Variants in PTPRD observed in about 807,000 individuals in gnomAD.
PTPRD encodes receptor-type tyrosine-protein phosphatase delta.
In PTPRD, 34 loss-of-function variants were observed where a neutral mutation model predicts 214.5. The observed-to-expected ratio is 0.16, with a 90% CI of 0.12 to 0.21. The LOEUF (loss-of-function observed/expected upper bound fraction) is 0.21. PTPRD is among the 10% of genes least tolerant of loss of function. The pLI is 1.00. For missense variants in PTPRD, 2,545 were observed against 2,398.7 expected (o/e 1.06, Z -1.27); for synonymous variants, 1,128 against 845.7 (o/e 1.33, Z -5.79).
chr9:8,789,472 T>C (rs1473989100), intron 11 of PTPRD, among the ~76,000 whole-genome samples: 1 of 152,208 alleles, frequency 6.6e-6, no homozygotes, highest in Non-Finnish European at 1.5e-5. Context: ...AGCAGTAGAA[T>C]TTCAATCTAT....
At chr9:10,574,884 G>C (rs1234575322) in intron 2 of PTPRD, among the ~76,000 whole-genome samples, 1 of 148,842 alleles carries the variant, frequency 6.7e-6, no homozygotes, top group Non-Finnish European at 1.5e-5. Context: ...TAAAGAAATT[G>C]CCTTTTCCCA....
intron 12 of PTPRD, among the ~76,000 whole-genome samples, chr9:8,723,820 T>G (rs932740199): frequency 6.6e-6 from 1 of 152,214 alleles, no homozygotes; most frequent in Non-Finnish European, 1.5e-5. Context: ...CTTGGTTTAG[T>G]AGATTTGTTA....
intron 10 of PTPRD, among the ~76,000 whole-genome samples, chr9:9,033,681 C>T (rs185812236): frequency 6.6e-6 from 1 of 152,112 alleles, no homozygotes; most frequent in Non-Finnish European, 1.5e-5. Context: ...CTCCCCTCCC[C>T]TTCTCTTTCT....
chr9:10,204,066 A>G (rs2099451221), intron 3 of PTPRD, among the ~76,000 whole-genome samples: 1 of 152,168 alleles, frequency 6.6e-6, no homozygotes, highest in African/African-American at 2.4e-5. Flanking sequence ...CCAATCTACC[A>G]GCTTGTGCCA....
At chr9:8,500,312 A>G (rs1256354391) in intron 24 of PTPRD, among the ~76,000 whole-genome samples, 2 of 151,918 alleles carry the variant, frequency 1.3e-5, no homozygotes, top group Non-Finnish European at 2.9e-5. Flanking sequence ...ATTCCATACA[A>G]AAGATGCCAA....
chr9:9,057,012 T>C (rs1005241623), intron 10 of PTPRD, among the ~76,000 whole-genome samples: 8 of 152,190 alleles, frequency 5.3e-5, no homozygotes, highest in African/African-American at 1.9e-4. Flanking sequence ...TCTTAATTTT[T>C]TTCTCTTTCC....
intron 9 of PTPRD, among the ~76,000 whole-genome samples, chr9:9,304,048 A>G (rs1177624807): frequency 2.0e-5 from 3 of 152,126 alleles, no homozygotes; most frequent in South Asian, 4.1e-4. Flanking sequence ...TATTGCTACT[A>G]ATTTTTACCT....
intron 11 of PTPRD, among the ~76,000 whole-genome samples, chr9:8,808,952 G>A (rs1341913246): frequency 6.6e-6 from 1 of 152,134 alleles, no homozygotes; most frequent in Non-Finnish European, 1.5e-5. Context: ...AACACTGTGA[G>A]ATGGAACACA....
intron 2 of PTPRD, among the ~76,000 whole-genome samples, chr9:10,589,720 C>T (rs1481318117): frequency 6.6e-6 from 1 of 151,940 alleles, no homozygotes; most frequent in African/African-American, 2.4e-5. Flanking sequence ...TATGAGATAT[C>T]AGATATTCAT....
At chr9:8,485,653 TGA>T (rs2096985588) in intron 28 of PTPRD, 107 bp downstream of exon 28, 3 of 1,004,144 alleles carry the variant, frequency 3.0e-6, no homozygotes, top group Non-Finnish European at 4.3e-6. Flanking sequence ...TTGTTTTTGC[TGA>T]ACCTATTAAT....
chr9:8,456,332 G>C (rs887846315), intron 33 of PTPRD, among the ~76,000 whole-genome samples: 1 of 152,084 alleles, frequency 6.6e-6, no homozygotes, highest in Admixed American at 6.6e-5. Flanking sequence ...TGCTAGAGAG[G>C]GGAGGAGAAG....
chr9:9,240,676 T>C (rs1398993106), intron 9 of PTPRD, among the ~76,000 whole-genome samples: 1 of 152,180 alleles, frequency 6.6e-6, no homozygotes. Context: ...CAGTAAGTGA[T>C]GCTAAACTTT....
chr9:9,059,500 G>A (rs1369539153), intron 10 of PTPRD, among the ~76,000 whole-genome samples: 1 of 152,064 alleles, frequency 6.6e-6, no homozygotes, highest in Admixed American at 6.6e-5. Flanking sequence ...CAGGCATAAG[G>A]AACCATGAAT....
At chr9:8,857,998 C>A (rs980598207) in intron 11 of PTPRD, 7 of 154,522 alleles carry the variant, frequency 4.5e-5, no homozygotes, top group Non-Finnish European at 5.7e-5. Context: ...CTTCTGAGCC[C>A]GCGGCTTCCG....
At chr9:8,845,202 CT>C (rs1399869423) in intron 11 of PTPRD, among the ~76,000 whole-genome samples, 1 of 151,130 alleles carries the variant, frequency 6.6e-6, no homozygotes, top group Non-Finnish European at 1.5e-5. Context: ...ACACACAATT[CT>C]GTGTTCCTCT....
intron 9 of PTPRD, among the ~76,000 whole-genome samples, chr9:9,304,403 G>A: frequency 6.6e-6 from 1 of 152,136 alleles, no homozygotes. Context: ...TTTCCTTAGA[G>A]TTCTTTTTTA....
chr9:8,569,399 C>A (rs2090438494), intron 14 of PTPRD, among the ~76,000 whole-genome samples: 1 of 152,098 alleles, frequency 6.6e-6, no homozygotes, highest in Admixed American at 6.6e-5. Flanking sequence ...TGCCTATAGT[C>A]CTCTGCTACA....
At chr9:9,186,635 T>C (rs1270791562) in intron 9 of PTPRD, among the ~76,000 whole-genome samples, 1 of 2,740 alleles carries the variant, frequency 3.6e-4, no homozygotes, top group East Asian at 4.3e-3. Context: ...TCTCTCCCTC[T>C]CTCTCTCTCT....
intron 6 of PTPRD, among the ~76,000 whole-genome samples, chr9:9,752,748 T>A (rs2098533196): frequency 6.6e-6 from 1 of 152,064 alleles, no homozygotes; most frequent in South Asian, 2.1e-4. Context: ...GTATACAATT[T>A]TAGAAAAATC....
Sources: allele counts gnomAD v4.1 joint callset (sites outside exome capture counted in the v4.1 genomes callset), GRCh38; gene constraint gnomAD v4.1.1; transcripts MANE v1.5; gene names NCBI Gene and HGNC (gene_info 2026-07-23, HGNC 2026-07-21).